ABCB8: variants seen among roughly 807,000 people sequenced by gnomAD.
ABCB8 encodes mitochondrial potassium channel ATP-binding subunit.
In ABCB8, 52 loss-of-function variants were observed where a neutral mutation model predicts 73.0. The observed-to-expected ratio is 0.71, with a 90% confidence interval of 0.57 to 0.90. The LOEUF is 0.90. Among genes scored for constraint, ABCB8 ranks in the 40% least tolerant of loss-of-function variants. The pLI is 0.00. For synonymous variants in ABCB8, 428 were observed against 423.5 expected (o/e 1.01, Z -0.13); for missense variants, 909 against 974.6 (o/e 0.93, Z 0.90).
chr7:151,036,904 T>A, intron 9 of ABCB8: 1 of 747,218 alleles, frequency 1.3e-6, no homozygotes, highest in South Asian at 1.4e-5. Context: ...CCCAGAAGTT[T>A]CCTTGACAGG....
intron 9 of ABCB8, chr7:151,037,151 A>G: frequency 1.4e-6 from 1 of 702,698 alleles, no homozygotes; most frequent in Non-Finnish European, 2.6e-6. Flanking sequence ...TTCTGTCCTT[A>G]TGATTTGACA....
chr7:151,034,755 A>G lies in ABCB8; in HGVS notation c.691A>G (p.Thr231Ala). Residue 231 changes from threonine to alanine, a missense_variant, in exon 5 of 16, where the codon ACA becomes GCA. Physicochemically the swap from Thr to Ala is moderately conservative, Grantham distance 58 (BLOSUM62 0). Transcript: ENST00000358849. ...QDITFFDANKTGQLVSRLTTD... is the reference protein window; with the variant it reads ...QDITFFDANKAGQLVSRLTTD... ...CATCACCTTCTTTGACGCCAATAAG[A>G]CAGGGCAGCTGGTGAGCCGCTTGAC... The G allele has an allele frequency of 6.2e-7, 1 of 1,614,088 alleles. No homozygotes were observed. The highest frequency in any genetic ancestry group is 8.5e-7 in the Non-Finnish European group (1 of 1,179,972).
intron 11 of ABCB8, 36 bp downstream of exon 11, chr7:151,040,670 TG>T: frequency 6.2e-7 from 1 of 1,603,990 alleles, no homozygotes; most frequent in Middle Eastern, 1.7e-4. Flanking sequence ...GATGGGTCCC[TG>T]GGCCGGGGAT....
chr7:151,046,672 G>A lies in ABCB8; in HGVS notation c.*1323G>A, dbSNP rs553298218. ...TACCTGCAATGCACCTTCACAGCCA[G>A]GCAAGCATTCTGGATTTACCCTGTG... On this transcript the variant is annotated 3_prime_UTR_variant, in exon 16 of 16. Transcript: ENST00000358849. 5.9e-5 allele frequency: 9 copies of A among 152,398 alleles called. No homozygotes were observed. The South Asian group carries it at 1.7e-3, about 28-fold the overall frequency. 9.4% of individuals were successfully genotyped at this position (152,398 alleles called of 1,614,324 possible). A position where few individuals can be genotyped will look rare whatever the true frequency, so the allele number is the denominator to read the frequency against.
Position 151,044,221 on chromosome 7 carries a change from G to A in ABCB8, c.2016G>A (p.Glu672=). ...TCATGGCCGATGGCCGTGTCTGGGAGGTTAGTTGTCCTGGGGGCGTGGATC... is the reference window on the plus strand; with the variant it reads ...TCATGGCCGATGGCCGTGTCTGGGAAGTTAGTTGTCCTGGGGGCGTGGATC... ...IVVMADGRVW[E]AGTHEELLKK... The change falls in exon 15 of 16, where the codon GAG becomes GAA. Residue 672 remains glutamate (E), a splice_region_variant and synonymous_variant. Transcript: ENST00000358849. 3 of 1,597,292 alleles carry A rather than the reference G, an allele frequency of 1.9e-6. No homozygotes were observed. Among genetic ancestry groups the A allele is most frequent in the Non-Finnish European group, 2.6e-6 (3 of 1,166,840 alleles).
intron 15 of ABCB8, 117 bp downstream of exon 15, chr7:151,044,338 A>G: frequency 6.8e-7 from 1 of 1,477,384 alleles, no homozygotes; most frequent in Non-Finnish European, 9.1e-7. Flanking sequence ...CTTGGGGGCT[A>G]TATTCTGGAA....
chr7:151,029,968 C>T (rs1266475542), intron 1 of ABCB8, among the ~76,000 whole-genome samples: 2 of 152,166 alleles, frequency 1.3e-5, no homozygotes, highest in African/African-American at 4.8e-5. Context: ...GGGAAGTAAT[C>T]CACATGCTCT....
At chr7:151,040,198 G>A (rs1285553103) in intron 9 of ABCB8, 70 bp from the exon 10 acceptor site, 34 of 1,570,332 alleles carry the variant, frequency 2.2e-5, no homozygotes, top group African/African-American at 2.8e-5. Context: ...CCGCCCCACC[G>A]TGGCTTCCTT....
intron 9 of ABCB8, chr7:151,037,147 C>T (rs1450202308): frequency 2.8e-6 from 2 of 702,704 alleles, no homozygotes; most frequent in East Asian, 5.4e-5. Flanking sequence ...CACTTTCTGT[C>T]CTTATGATTT....
chr7:151,037,653 C>A (rs1010866098), intron 9 of ABCB8: 2 of 352,972 alleles, frequency 5.7e-6, no homozygotes, highest in East Asian at 1.4e-4. Context: ...CCTCCCCCCA[C>A]GACCCCCCTG....
In ABCB8 at chr7:151,042,021, T is replaced by C; in HGVS notation, c.1678T>C (p.Ser560Pro). The change falls in exon 14 of 16, where the codon TCC becomes CCC. Residue 560 changes from serine (S) to proline (P), a missense_variant. Transcript: ENST00000358849. ...ENIRFGKLEA[S>P]DEEVYTAARE... ...CATCCGCTTTGGGAAGCTGGAAGCT[T>C]CCGATGAAGAGGTGTACACAGCCGC... 1 of 1,613,054 alleles carries C rather than the reference T, an allele frequency of 6.2e-7. No homozygotes were observed. Among genetic ancestry groups the C allele is most frequent in the Non-Finnish European group, 8.5e-7 (1 of 1,179,988 alleles).
chr7:151,028,867 C>T, intron 1 of ABCB8: 1 of 1,531,036 alleles, frequency 6.5e-7, no homozygotes, highest in Non-Finnish European at 8.8e-7. Flanking sequence ...GTGACCACGC[C>T]CAGTCCGCAC....
chr7:151,033,395 T>C (rs531465274), intron 1 of ABCB8: 5 of 1,393,160 alleles, frequency 3.6e-6, no homozygotes, highest in Middle Eastern at 2.6e-4. Flanking sequence ...CTAGATTTTG[T>C]GCTCAGTGCC....
In ABCB8 at chr7:151,033,704, A is replaced by C; in HGVS notation, c.195A>C (p.Arg65Ser). ...AHLPRAPLAP[R>S]WSPSAWCWVG... ...TCCCTCGAGCCCCCCTAGCTCCCAG[A>C]TGGAGCCCCTCTGCCTGGTGCTGGG... is the stretch of plus-strand genomic sequence containing the variant. The change falls in exon 2 of 16, where the codon AGA becomes AGC. Residue 65 changes from arginine to serine, a missense_variant. Transcript: ENST00000358849. 6.2e-7 allele frequency: 1 copy of C among 1,613,606 alleles called. No individual in the cohort carries two copies. The highest frequency in any genetic ancestry group is 8.5e-7 in the Non-Finnish European group (1 of 1,179,826).
rs1363773521 is a variant in ABCB8 at position 151,045,545 on chromosome 7, G to T, written c.*196G>T. The T allele has an allele frequency of 4.9e-6, 3 of 614,632 alleles. No homozygotes were observed. The African/African-American group carries it at 5.8e-5, about 12-fold the overall frequency. 38.1% of individuals were successfully genotyped at this position (614,632 alleles called of 1,614,324 possible). On this transcript the variant is annotated 3_prime_UTR_variant, in exon 16 of 16. Transcript: ENST00000358849. ...ATCCCTCCCTCCCCTCCCCAGTCCT[G>T]CCGGCTGCCTCCCTCCCACCAGAGT...
intron 14 of ABCB8, among the ~76,000 whole-genome samples, chr7:151,042,380 C>A (rs1796492043): frequency 6.6e-6 from 1 of 152,178 alleles, no homozygotes; most frequent in South Asian, 2.1e-4. Flanking sequence ...CGACAGAGGG[C>A]ATATGACAGG....
Position 151,046,954 on chromosome 7 carries a change from A to G in ABCB8, c.*1605A>G, listed in dbSNP as rs6979693. 145,989 of 152,464 alleles carry G rather than the reference A, an allele frequency of 0.96. 69,948 individuals are homozygous for G. The highest frequency in any genetic ancestry group is 1 in the East Asian group (5,187 of 5,188). The allele number at this position is 152,464 out of a possible 1,614,324, so 9.4% of individuals were successfully genotyped here. ...TGACAGATCAGAGGCTGTGTCTTTA[A>G]GCAGTGGAGGTCCAGGAGCAGAGCC... On this transcript the variant is annotated 3_prime_UTR_variant, in exon 16 of 16. Coordinates refer to ENST00000358849, the MANE Select transcript of ABCB8 (RefSeq NM_007188.5).
Position 151,045,783 on chromosome 7 carries a change from C to T in ABCB8, c.*434C>T, listed in dbSNP as rs1291083519. The T allele has an allele frequency of 6.4e-6, 1 of 157,234 alleles. No homozygotes were observed. Among genetic ancestry groups the T allele is most frequent in the East Asian group, 1.8e-4 (1 of 5,476 alleles). 9.7% of individuals were successfully genotyped at this position (157,234 alleles called of 1,614,324 possible). A position where few individuals can be genotyped will look rare whatever the true frequency, so the allele number is the denominator to read the frequency against. On this transcript the variant is annotated 3_prime_UTR_variant, in exon 16 of 16. Transcript: ENST00000358849. ...TGGAAGTGGGCCTGGGAATTCAAACCTAGGCTCTTCCCACACCCTTGCTAG... is the reference window on the plus strand; with the variant it reads ...TGGAAGTGGGCCTGGGAATTCAAACTTAGGCTCTTCCCACACCCTTGCTAG...
intron 1 of ABCB8, among the ~76,000 whole-genome samples, chr7:151,031,964 A>G (rs890764171): frequency 1.2e-4 from 19 of 152,204 alleles, no homozygotes; most frequent in Middle Eastern, 6.3e-3. Flanking sequence ...CTCGGCCTAA[A>G]AATCACCATG....
Sources: gnomAD v4.1 joint callset for allele counts (sites outside exome capture counted in the v4.1 genomes callset) on GRCh38, gnomAD v4.1.1 for gene constraint, MANE v1.5 for transcripts, NCBI Gene and HGNC (gene_info 2026-07-23, HGNC 2026-07-21) for gene names.